Variants in KCNMB2 observed in about 807,000 individuals in gnomAD.
The protein encoded by KCNMB2 is calcium-activated potassium channel subunit beta-2.
A neutral mutation model predicts 24.5 loss-of-function variants in KCNMB2; 9 were observed. The observed-to-expected ratio is 0.37, with a 90% CI of 0.22 to 0.64. The LOEUF is 0.64. Among genes scored for constraint, KCNMB2 ranks in the 30% least tolerant of loss-of-function variants. The probability of loss-of-function intolerance (pLI) is 0.63; values close to 1 mark genes in which losing one functional copy is unlikely to be tolerated. For missense variants in KCNMB2, 226 were observed against 284.3 expected, an observed-to-expected ratio of 0.79 and a Z score of 1.47; for synonymous variants, 109 against 104.4, an observed-to-expected ratio of 1.04 and a Z score of -0.27.
chr3:178,831,787 C>A (rs1477740149), intron 4 of KCNMB2, among the ~76,000 whole-genome samples: 1 of 152,088 alleles, frequency 6.6e-6, no homozygotes, highest in African/African-American at 2.4e-5. Context: ...TTTAAAACTA[C>A]ATAGGGTACT....
At chr3:178,690,412 A>G (rs1418046784) in intron 1 of KCNMB2, among the ~76,000 whole-genome samples, 1 of 152,146 alleles carries the variant, frequency 6.6e-6, no homozygotes, top group African/African-American at 2.4e-5. Flanking sequence ...CCATGAAACA[A>G]TGAACTGCTG....
At chr3:178,621,694 TAA>T (rs1424409474) in intron 1 of KCNMB2, among the ~76,000 whole-genome samples, 3 of 152,182 alleles carry the variant, frequency 2.0e-5, no homozygotes, top group Admixed American at 6.5e-5. Context: ...ATTACTCTGT[TAA>T]GTTTTCTTTA....
At chr3:178,691,233 C>A (rs1398979483) in intron 1 of KCNMB2, among the ~76,000 whole-genome samples, 1 of 148,948 alleles carries the variant, frequency 6.7e-6, no homozygotes, top group Non-Finnish European at 1.5e-5. Context: ...CAGGTGTGAG[C>A]CACACCTGGC....
intron 1 of KCNMB2, among the ~76,000 whole-genome samples, chr3:178,581,354 AC>A (rs1278508543): frequency 6.6e-6 from 1 of 152,246 alleles, no homozygotes; most frequent in Non-Finnish European, 1.5e-5. Context: ...TACACGTTAT[AC>A]AAAAATTAAC....
chr3:178,721,927 T>A (rs1254677682), intron 1 of KCNMB2, among the ~76,000 whole-genome samples: 1 of 152,232 alleles, frequency 6.6e-6, no homozygotes, highest in Non-Finnish European at 1.5e-5. Flanking sequence ...AATTTTGAAT[T>A]TTTAGAATTT....
intron 1 of KCNMB2, among the ~76,000 whole-genome samples, chr3:178,764,515 C>T (rs1032027446): frequency 6.6e-6 from 1 of 152,164 alleles, no homozygotes; most frequent in Non-Finnish European, 1.5e-5. Context: ...ACTATATAGT[C>T]TAAGTGTGTA....
At chr3:178,537,080 G>T (rs1715435386) in intron 1 of KCNMB2, among the ~76,000 whole-genome samples, 1 of 152,048 alleles carries the variant, frequency 6.6e-6, no homozygotes, top group South Asian at 2.1e-4. Flanking sequence ...AGGCATAAAG[G>T]TCCAAGAAAA....
chr3:178,829,355 G>A (rs1158131248), intron 4 of KCNMB2, among the ~76,000 whole-genome samples: 1 of 152,102 alleles, frequency 6.6e-6, no homozygotes, highest in Non-Finnish European at 1.5e-5. Context: ...AAAAAATGCA[G>A]TAGATTCAAG....
chr3:178,655,467 G>A (rs1290702789), intron 1 of KCNMB2, among the ~76,000 whole-genome samples: 1 of 152,156 alleles, frequency 6.6e-6, no homozygotes, highest in African/African-American at 2.4e-5. Context: ...ATGGAGTGCT[G>A]AGAAATGAAA....
intron 2 of KCNMB2, among the ~76,000 whole-genome samples, chr3:178,825,270 A>C (rs1169593096): frequency 6.6e-6 from 1 of 152,208 alleles, no homozygotes; most frequent in Non-Finnish European, 1.5e-5. Flanking sequence ...CATTATTTTG[A>C]GGGTTGAGGG....
chr3:178,543,732 T>G (rs921835121), intron 1 of KCNMB2, among the ~76,000 whole-genome samples: 9 of 152,206 alleles, frequency 5.9e-5, no homozygotes, highest in Admixed American at 4.6e-4. Flanking sequence ...GGATGTGTTC[T>G]TTAATATTTT....
chr3:178,822,180 T>G (rs1714656027), intron 2 of KCNMB2, among the ~76,000 whole-genome samples: 1 of 152,244 alleles, frequency 6.6e-6, no homozygotes, highest in Non-Finnish European at 1.5e-5. Flanking sequence ...AGTTGTAGTT[T>G]CTGATATTCA....
intron 1 of KCNMB2, among the ~76,000 whole-genome samples, chr3:178,544,888 T>C (rs997186093): frequency 3.9e-5 from 6 of 152,212 alleles, no homozygotes; most frequent in Non-Finnish European, 5.9e-5. Context: ...CTCAGGTGAC[T>C]AGAACTATAT....
chr3:178,699,898 G>A (rs1318693375), intron 1 of KCNMB2, among the ~76,000 whole-genome samples: 2 of 152,184 alleles, frequency 1.3e-5, no homozygotes, highest in Admixed American at 6.5e-5. Flanking sequence ...CTCCTGCCGG[G>A]GTTCTAGAGG....
chr3:178,692,843 A>G (rs1339268106), intron 1 of KCNMB2, among the ~76,000 whole-genome samples: 1 of 152,178 alleles, frequency 6.6e-6, no homozygotes, highest in Non-Finnish European at 1.5e-5. Context: ...TTTGGGCACT[A>G]TGGCCATTTT....
intron 2 of KCNMB2, among the ~76,000 whole-genome samples, chr3:178,814,637 A>G (rs1454364423): frequency 1.3e-5 from 2 of 152,094 alleles, no homozygotes; most frequent in Non-Finnish European, 2.9e-5. Flanking sequence ...AGCCTCACCA[A>G]GATTTGTTAT....
At chr3:178,814,754 C>T (rs1241223297) in intron 2 of KCNMB2, among the ~76,000 whole-genome samples, 2 of 152,080 alleles carry the variant, frequency 1.3e-5, no homozygotes, top group Non-Finnish European at 2.9e-5. Flanking sequence ...TATTGGCTTG[C>T]ATATATGTGT....
chr3:178,837,538 G>T (rs1715278045), intron 4 of KCNMB2, among the ~76,000 whole-genome samples: 1 of 152,156 alleles, frequency 6.6e-6, no homozygotes, highest in Non-Finnish European at 1.5e-5. Flanking sequence ...TTCATTTTCA[G>T]GGACAGTTAA....
intron 1 of KCNMB2, among the ~76,000 whole-genome samples, chr3:178,552,032 C>T (rs1715970562): frequency 6.6e-6 from 1 of 152,176 alleles, no homozygotes; most frequent in South Asian, 2.1e-4. Flanking sequence ...GCTCCGGAAC[C>T]CAGAAGAAAG....
Sources: gnomAD v4.1 joint callset for allele counts (sites outside exome capture counted in the v4.1 genomes callset) on GRCh38, gnomAD v4.1.1 for gene constraint, MANE v1.5 for transcripts, NCBI Gene and HGNC (gene_info 2026-07-23, HGNC 2026-07-21) for gene names.